FBXW10B: variants seen among roughly 807,000 people sequenced by gnomAD.
FBXW10B encodes F-box and WD repeat domain containing protein 10B.
the FBXW10B span, chr17:15,612,815 A>G: frequency 5.6e-6 from 9 of 1,610,464 alleles, no homozygotes; most frequent in South Asian, 5.5e-5. Flanking sequence ...TTCCTCTTGT[A>G]TAGGACCCCT....
the FBXW10B span, among the ~76,000 whole-genome samples, chr17:15,603,949 G>A: frequency 5.0e-5 from 7 of 141,258 alleles, no homozygotes; most frequent in East Asian, 4.6e-4. Flanking sequence ...GTGTGGTGGC[G>A]GGCCCCTGCA....
chr17:15,615,829 G>A, the FBXW10B span: 1 of 1,613,836 alleles, frequency 6.2e-7, no homozygotes, highest in African/African-American at 1.3e-5. Context: ...AGAAGACCAA[G>A]ACAAGGTTGC....
the FBXW10B span, among the ~76,000 whole-genome samples, chr17:15,585,355 A>G: frequency 4.6e-5 from 7 of 152,208 alleles, no homozygotes; most frequent in Admixed American, 1.3e-4. Context: ...AAAAAAACCT[A>G]TTTCTCAACC....
chr17:15,612,231 G>A, the FBXW10B span, among the ~76,000 whole-genome samples: 109 of 152,318 alleles, frequency 7.2e-4, no homozygotes, highest in East Asian at 2.3e-3. Flanking sequence ...TGTCGGGCTG[G>A]GCGCGGTGGC....
the FBXW10B span, among the ~76,000 whole-genome samples, chr17:15,595,916 C>G: frequency 3.8e-4 from 40 of 106,368 alleles, no homozygotes; most frequent in African/African-American, 1.9e-3. Context: ...GAATGCAATA[C>G]TCTTTTTTTT....
the FBXW10B span, among the ~76,000 whole-genome samples, chr17:15,604,654 C>T: frequency 3.3e-5 from 5 of 152,106 alleles, 1 homozygote; most frequent in South Asian, 2.1e-4. Flanking sequence ...CCTGCCTCAG[C>T]GTCCCGAGTA....
chr17:15,593,302 C>T, the FBXW10B span: 1 of 1,610,188 alleles, frequency 6.2e-7, no homozygotes, highest in Non-Finnish European at 8.5e-7. Flanking sequence ...CCAACAGAAT[C>T]ACTCACAGTT....
the FBXW10B span, among the ~76,000 whole-genome samples, chr17:15,595,128 T>TCAGG: frequency 3.4e-4 from 51 of 152,046 alleles, no homozygotes; most frequent in African/African-American, 1.2e-3. Context: ...GATCACAAGG[T>TCAGG]CAGGATATTG....
chr17:15,611,766 T>TG, the FBXW10B span, among the ~76,000 whole-genome samples: 530 of 152,038 alleles, frequency 3.5e-3, 1 homozygote, highest in South Asian at 5.4e-3. Context: ...TTTAAGCAGG[T>TG]GGGGGGGCGC....
the FBXW10B span, chr17:15,572,364 G>T: frequency 2.6e-5 from 4 of 152,210 alleles, no homozygotes; most frequent in African/African-American, 9.7e-5. Flanking sequence ...CCACCTCATA[G>T]AGTTATGTGA....
At chr17:15,616,156 T>C in the FBXW10B span, among the ~76,000 whole-genome samples, 2 of 151,868 alleles carry the variant, frequency 1.3e-5, no homozygotes, top group Non-Finnish European at 2.9e-5. Context: ...AAATAGAACA[T>C]TTAACTTTTT....
chr17:15,606,724 A>G, the FBXW10B span, among the ~76,000 whole-genome samples: 2 of 152,020 alleles, frequency 1.3e-5, no homozygotes, highest in Non-Finnish European at 2.9e-5. Context: ...TCCGTTTGTC[A>G]TACCTAGAGT....
At chr17:15,594,723 C>T in the FBXW10B span, 8 of 1,612,252 alleles carry the variant, frequency 5.0e-6, no homozygotes, top group South Asian at 1.1e-5. Flanking sequence ...CCAGGTTCAT[C>T]GCTCCGGGCT....
chr17:15,598,428 A>G, the FBXW10B span: 2 of 1,591,754 alleles, frequency 1.3e-6, no homozygotes, highest in Non-Finnish European at 1.7e-6. Flanking sequence ...TGGATGATAA[A>G]GAATAAATGA....
the FBXW10B span, chr17:15,615,833 A>C: frequency 1.2e-6 from 2 of 1,613,808 alleles, no homozygotes; most frequent in East Asian, 2.2e-5. Context: ...GACCAAGACA[A>C]GGTTGCTCTT....
chr17:15,614,249 C>T, the FBXW10B span, among the ~76,000 whole-genome samples: 8 of 151,952 alleles, frequency 5.3e-5, no homozygotes, highest in Non-Finnish European at 1.0e-4. Flanking sequence ...AGTGTAGTGG[C>T]GCGATCTCGG....
At chr17:15,568,091 C>G in the FBXW10B span, among the ~76,000 whole-genome samples, 5 of 152,130 alleles carry the variant, frequency 3.3e-5, no homozygotes, top group Non-Finnish European at 7.3e-5. Flanking sequence ...GGAGTGTTGT[C>G]TATGTAGAAA....
the FBXW10B span, among the ~76,000 whole-genome samples, chr17:15,603,801 G>A: frequency 4.7e-5 from 7 of 149,072 alleles, no homozygotes; most frequent in South Asian, 2.2e-4. Context: ...GGCTGGGCGC[G>A]GTGGCTCACA....
At chr17:15,618,218 C>T in the FBXW10B span, among the ~76,000 whole-genome samples, 1 of 152,116 alleles carries the variant, frequency 6.6e-6, no homozygotes, top group African/African-American at 2.4e-5. Context: ...GTCCCAGCTA[C>T]TTGGGAGGCT....
Sources: gnomAD v4.1 joint callset for allele counts (sites outside exome capture counted in the v4.1 genomes callset) on GRCh38, gnomAD v4.1.1 for gene constraint, MANE v1.5 for transcripts, NCBI Gene and HGNC (gene_info 2026-07-23, HGNC 2026-07-21) for gene names.